The following ATXN3 variants were observed in gnomAD, a reference collection of about 807,000 sequenced individuals.
The protein encoded by ATXN3 is ataxin-3.
In ATXN3, 28 loss-of-function variants were observed where a neutral mutation model predicts 58.2. That is an observed-to-expected ratio of 0.48 (90% CI 0.36 to 0.66). The LOEUF is 0.66. Ranked by LOEUF, ATXN3 falls within the 30% of genes least tolerant of loss-of-function variation. ATXN3 has a pLI of 0.00. For synonymous variants in ATXN3, 113 were observed against 138.5 expected (o/e 0.82, Z 1.29); for missense variants, 321 against 422.1 (o/e 0.76, Z 2.10).
intron 6 of ATXN3, among the ~76,000 whole-genome samples, chr14:92,084,086 GGGACTT>G (rs959551947): frequency 2.2e-4 from 34 of 152,286 alleles, no homozygotes; most frequent in South Asian, 1.4e-3. Flanking sequence ...TTGAGGTTTT[GGGACTT>G]GGACTGGCTT....
Position 92,079,185 on chromosome 14 carries a change from C to CAAA in ATXN3, c.872+1777_872+1779dup, listed in dbSNP as rs35515547. Reference sequence around the variant, plus strand: ...TGGGCAACAGAGCAAGACTCCATCTCAAAAAAAAAAAAAAAAAAAAGCAAG... The same window carrying CAAA: ...TGGGCAACAGAGCAAGACTCCATCTCAAAAAAAAAAAAAAAAAAAAAAAGCAAG... On this transcript the variant is annotated intron_variant, in intron 9 of 10. Coordinates refer to ENST00000644486, the MANE Select transcript of ATXN3 (RefSeq NM_004993.6). Among the ~76,000 whole-genome samples the CAAA allele has an allele frequency of 5.9e-3, 456 of 76,930 alleles. 11 individuals are homozygous for CAAA. Among genetic ancestry groups the CAAA allele is most frequent in the African/African-American group, 0.02 (422 of 20,744 alleles). The allele number at this position is 76,930 out of a possible 152,430, so 50.5% of individuals were successfully genotyped here.
chr14:92,057,845 CATTT>C (rs2057491186), downstream of ATXN3, among the ~76,000 whole-genome samples: 1 of 151,906 alleles, frequency 6.6e-6, no homozygotes, highest in South Asian at 2.1e-4. Flanking sequence ...GTTGAGCAAA[CATTT>C]ATTTGACTTT....
In ATXN3 at chr14:92,082,480, G is replaced by C. The variant is rs553632954; in HGVS notation, c.609-14C>G. ...GTTTTATGGACTCTAAAGAACAAAA[G>C]CACTGGTAATAACTGCAACCAATCT... On this transcript the variant is annotated splice_polypyrimidine_tract_variant and intron_variant, in intron 7 of 10. Coordinates refer to ENST00000644486, the MANE Select transcript of ATXN3 (RefSeq NM_004993.6). 23 of 1,604,112 alleles carry C rather than the reference G, an allele frequency of 1.4e-5. No homozygotes were observed. In the Admixed American group the frequency reaches 1.5e-4, roughly 11 times the overall value.
chr14:92,099,523 G>A (rs1245737328), intron 1 of ATXN3, among the ~76,000 whole-genome samples: 1 of 152,150 alleles, frequency 6.6e-6, no homozygotes, highest in Non-Finnish European at 1.5e-5. Flanking sequence ...AACTCTTACT[G>A]AATAATATGC....
intron 3 of ATXN3, 121 bp from the exon 4 acceptor site, chr14:92,093,952 T>TA: frequency 1.8e-6 from 1 of 569,550 alleles, no homozygotes; most frequent in Non-Finnish European, 3.1e-6. Context: ...AGGTTTTTTT[T>TA]TTTTTTTTTG....
At chr14:92,106,429 G>A in intron 1 of ATXN3, 100 bp downstream of exon 1, 1 of 1,499,864 alleles carries the variant, frequency 6.7e-7, no homozygotes, top group Non-Finnish European at 9.3e-7. Flanking sequence ...TCGGCATGGG[G>A]GCGACTCGGG....
intron 6 of ATXN3, among the ~76,000 whole-genome samples, chr14:92,086,835 CTGAT>C (rs55951860): frequency 0.011 from 1,632 of 150,860 alleles, 34 homozygotes; most frequent in South Asian, 0.035. Flanking sequence ...GGGGGGGGAA[CTGAT>C]TATATAAGAG....
chr14:92,105,886 C>G (rs528495057), intron 1 of ATXN3, among the ~76,000 whole-genome samples: 1 of 152,316 alleles, frequency 6.6e-6, no homozygotes, highest in Non-Finnish European at 1.5e-5. Context: ...ACCCAAACAT[C>G]CCGTAATAAA....
chr14:92,093,403 GATAAT>G (rs1408052713), intron 4 of ATXN3, 85 bp from the exon 5 acceptor site: 1 of 718,352 alleles, frequency 1.4e-6, no homozygotes, highest in Non-Finnish European at 2.3e-6. Context: ...TAAAATTTGT[GATAAT>G]TTAAGATTAT....
At chr14:92,074,398 G>A (rs2059992116) in intron 9 of ATXN3, among the ~76,000 whole-genome samples, 1 of 152,208 alleles carries the variant, frequency 6.6e-6, no homozygotes, top group African/African-American at 2.4e-5. Flanking sequence ...CTGGTGGCAA[G>A]CAAAGCCATT....
chr14:92,086,824 G>GC (rs5810570), intron 6 of ATXN3, among the ~76,000 whole-genome samples: 34,974 of 117,780 alleles, frequency 0.3, 4,205 homozygotes, highest in East Asian at 0.43. Flanking sequence ...TACAAAAAAA[G>GC]GGGGGGGGAA....
rs768341819 is a variant in ATXN3 at position 92,097,115 on chromosome 14, T to C, written c.25-277A>G. Among the ~76,000 whole-genome samples, 48 of 152,132 alleles carry C rather than the reference T, an allele frequency of 3.2e-4. 1 individual carries two copies. Among genetic ancestry groups the C allele is most frequent in the Admixed American group, 7.9e-4 (12 of 15,278 alleles). ...GTAGAGACGGGGTTTCATCCTGTGT[T>C]AGCCAGGATGGTCTTGATCTCCTGA... On this transcript the variant is annotated intron_variant, in intron 1 of 10. Transcript: ENST00000644486.
At chr14:92,095,695 C>G (rs550759966) in intron 3 of ATXN3, among the ~76,000 whole-genome samples, 1 of 151,820 alleles carries the variant, frequency 6.6e-6, no homozygotes, top group Non-Finnish European at 1.5e-5. Flanking sequence ...CAGTGGCTCA[C>G]ACCTGTAATC....
At chr14:92,078,064 TCC>T (rs1333771994) in intron 9 of ATXN3, among the ~76,000 whole-genome samples, 1 of 77,246 alleles carries the variant, frequency 1.3e-5, no homozygotes, top group Non-Finnish European at 2.6e-5. Flanking sequence ...AACCTCTACC[TCC>T]TGGGTTCAAG....
chr14:92,092,149 G>A (rs1367660516), intron 5 of ATXN3, among the ~76,000 whole-genome samples: 3 of 152,044 alleles, frequency 2.0e-5, no homozygotes, highest in Non-Finnish European at 2.9e-5. Flanking sequence ...GGCAACCGCT[G>A]GTCAATCTGC....
In ATXN3 at chr14:92,082,285, T is replaced by G. The variant is rs1442658920; in HGVS notation, c.775+15A>C. ...TCTTCAGCAATGAATACAACACACA[T>G]CAGAATGTCTTTACCTTGCATACTT... On this transcript the variant is annotated intron_variant, in intron 8 of 10. Transcript: ENST00000644486. 6.2e-7 allele frequency: 1 copy of G among 1,608,112 alleles called. No homozygotes were observed. Among genetic ancestry groups the G allele is most frequent in the South Asian group, 1.1e-5 (1 of 90,502 alleles).
chr14:92,054,081 C>T (rs1287958429), downstream of ATXN3, among the ~76,000 whole-genome samples: 71 of 152,102 alleles, frequency 4.7e-4, no homozygotes, highest in Non-Finnish European at 1.5e-5. Context: ...ATAATAGGCG[C>T]ACACCAACCA....
chr14:92,086,823 A>AGG lies in ATXN3; in HGVS notation c.475+1905_475+1906dup, dbSNP rs150394957. Among the ~76,000 whole-genome samples the AGG allele has an allele frequency of 3.4e-4, 48 of 139,354 alleles. No individual in the cohort carries two copies. In the East Asian group the frequency reaches 5.8e-3, roughly 17 times the overall value. The allele number at this position is 139,354 out of a possible 152,430, so 91.4% of individuals were successfully genotyped here. On this transcript the variant is annotated intron_variant, in intron 6 of 10. Transcript: ENST00000644486. The stretch of plus-strand genomic sequence containing the variant: ...CTGCTTATAGGAATATTACAAAAAA[A>AGG]GGGGGGGGGAACTGATTATATAAGA...
At position 92,061,370 on chromosome 14, in the gene ATXN3, C is replaced by T. The variant is rs1015207948; in HGVS notation, c.*2950G>A. The T allele has an allele frequency of 1.3e-5, 2 of 152,032 alleles. No homozygotes were observed. The highest frequency in any genetic ancestry group is 2.4e-5 in the African/African-American group (1 of 41,380). 9.4% of individuals were successfully genotyped at this position (152,032 alleles called of 1,614,324 possible). ...ACAGTTTATATTACTGAAATATTTA[C>T]ATGATTACCGTAAAAAACATAGATT... On this transcript the variant is annotated 3_prime_UTR_variant, in exon 11 of 11. Transcript: ENST00000644486.
Sources: allele counts gnomAD v4.1 joint callset (sites outside exome capture counted in the v4.1 genomes callset), GRCh38; gene constraint gnomAD v4.1.1; transcripts MANE v1.5; gene names NCBI Gene and HGNC (gene_info 2026-07-23, HGNC 2026-07-21).